PPP3CA: variants seen among roughly 807,000 people sequenced by gnomAD.
PPP3CA encodes the protein CAM-PRP catalytic subunit.
PPP3CA carries 14 observed loss-of-function variants against 66.5 expected under a neutral mutation model. The ratio of observed to expected loss-of-function variants is 0.21; its 90% CI spans 0.14 to 0.33. The LOEUF is 0.33. Among genes scored for constraint, PPP3CA ranks in the 10% least tolerant of loss-of-function variants. The pLI, the probability that PPP3CA is intolerant of heterozygous loss-of-function variation, is 1.00. For synonymous variants in PPP3CA, 232 were observed against 226.2 expected, an observed-to-expected ratio of 1.03 and a Z score of -0.23; for missense variants, 317 against 639.5, an observed-to-expected ratio of 0.50 and a Z score of 5.44.
At chr4:101,049,348 C>A (rs1466054870) in intron 10 of PPP3CA, among the ~76,000 whole-genome samples, 2 of 152,022 alleles carry the variant, frequency 1.3e-5, no homozygotes. Context: ...GAGGATATTG[C>A]TCCCCCTGCC....
intron 1 of PPP3CA, among the ~76,000 whole-genome samples, chr4:101,344,547 G>A (rs527661057): frequency 6.6e-6 from 1 of 152,226 alleles, no homozygotes; most frequent in African/African-American, 2.4e-5. Flanking sequence ...TTCCTATTTT[G>A]AGTCTACTAT....
At chr4:101,164,938 T>C (rs925875210) in intron 2 of PPP3CA, among the ~76,000 whole-genome samples, 1 of 152,102 alleles carries the variant, frequency 6.6e-6, no homozygotes, top group Non-Finnish European at 1.5e-5. Context: ...TATATACATA[T>C]ATAATTTTTA....
chr4:101,134,999 CA>C (rs1344858008), intron 2 of PPP3CA, among the ~76,000 whole-genome samples: 2 of 152,022 alleles, frequency 1.3e-5, no homozygotes, highest in East Asian at 3.9e-4. Flanking sequence ...TGTTCTCACT[CA>C]TAAGTGGGAA....
At chr4:101,302,075 T>C (rs1728396877) in intron 1 of PPP3CA, among the ~76,000 whole-genome samples, 1 of 152,180 alleles carries the variant, frequency 6.6e-6, no homozygotes, top group African/African-American at 2.4e-5. Flanking sequence ...AGAGATTATG[T>C]ATACTTTTAA....
At chr4:101,295,726 A>T (rs1728181868) in intron 1 of PPP3CA, among the ~76,000 whole-genome samples, 1 of 152,214 alleles carries the variant, frequency 6.6e-6, no homozygotes, top group African/African-American at 2.4e-5. Flanking sequence ...CAAACTTACA[A>T]ATAACTTTTT....
chr4:101,033,290 ACAAACACAC>A (rs1560571178), intron 11 of PPP3CA, among the ~76,000 whole-genome samples: 93 of 88,666 alleles, frequency 1.0e-3, no homozygotes, highest in Middle Eastern at 5.6e-3. Context: ...ACACACACAC[ACAAACACAC>A]ACACACACAC....
intron 2 of PPP3CA, among the ~76,000 whole-genome samples, chr4:101,170,499 G>T (rs1420566557): frequency 6.6e-6 from 1 of 151,654 alleles, no homozygotes; most frequent in Non-Finnish European, 1.5e-5. Context: ...TAAATAAATG[G>T]AATTTAACTA....
intron 10 of PPP3CA, among the ~76,000 whole-genome samples, chr4:101,051,219 A>T (rs895498892): frequency 1.3e-5 from 2 of 152,210 alleles, no homozygotes; most frequent in African/African-American, 2.4e-5. Flanking sequence ...GATTTCTAGA[A>T]GAATGAAAAT....
chr4:101,337,656 G>A lies in PPP3CA; in HGVS notation c.58+9083C>T, dbSNP rs370260797. Among the ~76,000 whole-genome samples, 305 of 152,260 alleles carry A rather than the reference G, an allele frequency of 2.0e-3. 2 individuals carry two copies. Among genetic ancestry groups the A allele is most frequent in the African/African-American group, 6.9e-3 (286 of 41,554 alleles). ...GTGTTAGTGAGACAAAGTATATCCC[G>A]GCCCATGTGAGAGACTGGAAATATT... On this transcript the variant is annotated intron_variant, in intron 1 of 13. Transcript: ENST00000394854.
At chr4:101,183,517 C>G (rs963123347) in intron 2 of PPP3CA, among the ~76,000 whole-genome samples, 2 of 152,100 alleles carry the variant, frequency 1.3e-5, no homozygotes, top group Non-Finnish European at 2.9e-5. Context: ...ATGATCAACT[C>G]AATCCTACAG....
chr4:101,070,465 T>C (rs1728869788), intron 8 of PPP3CA, among the ~76,000 whole-genome samples: 1 of 152,186 alleles, frequency 6.6e-6, no homozygotes, highest in South Asian at 2.1e-4. Flanking sequence ...GTGGAAAGGA[T>C]ACTAGTTCTG....
chr4:101,230,198 G>T (rs1725915894), intron 1 of PPP3CA, among the ~76,000 whole-genome samples: 1 of 151,494 alleles, frequency 6.6e-6, no homozygotes, highest in Non-Finnish European at 1.5e-5. Context: ...CATACGTCTA[G>T]AAATTTTTAA....
intron 1 of PPP3CA, among the ~76,000 whole-genome samples, chr4:101,344,780 C>T (rs1729926660): frequency 6.6e-6 from 1 of 152,122 alleles, no homozygotes; most frequent in South Asian, 2.1e-4. Flanking sequence ...ATTAAGAATC[C>T]ACATCCTATG....
intron 1 of PPP3CA, among the ~76,000 whole-genome samples, chr4:101,257,838 C>T (rs1289310494): frequency 1.3e-5 from 2 of 152,084 alleles, no homozygotes; most frequent in Non-Finnish European, 1.5e-5. Context: ...TCTCTATCAT[C>T]AATGTGGACA....
At position 101,344,919 on chromosome 4, in the gene PPP3CA, A is replaced by AGG. The variant is rs1729931440; in HGVS notation, c.58+1819_58+1820insCC. ...TTAACCTAGATTGGAGCTACATCTA[A>AGG]ACTTCACACATTAAGGAGATAATTG... On this transcript the variant is annotated intron_variant, in intron 1 of 13. Coordinates refer to ENST00000394854, the MANE Select transcript of PPP3CA (RefSeq NM_000944.5). 1.2e-4 allele frequency among the ~76,000 whole-genome samples: 19 copies of AGG among 152,346 alleles called. No homozygotes were observed. The South Asian group carries it at 3.9e-3, about 32-fold the overall frequency.
intron 5 of PPP3CA, among the ~76,000 whole-genome samples, chr4:101,096,606 A>G (rs1487420409): frequency 4.6e-5 from 7 of 152,192 alleles, no homozygotes; most frequent in Non-Finnish European, 1.0e-4. Context: ...ACACTTAGTA[A>G]GTTTCTCATC....
At position 101,319,416 on chromosome 4, in the gene PPP3CA, G is replaced by T. The variant is rs182204801; in HGVS notation, c.58+27323C>A. ...CTCACATTCTTAAGCATATGTTTAG[G>T]ATTCAATAATTTAAATAAATTTTTA... On this transcript the variant is annotated intron_variant, in intron 1 of 13. Transcript: ENST00000394854. Among the ~76,000 whole-genome samples, 287 of 152,064 alleles carry T rather than the reference G, an allele frequency of 1.9e-3. 1 individual carries two copies. The highest frequency in any genetic ancestry group is 0.017 in the Middle Eastern group (5 of 294).
At chr4:101,120,316 T>C (rs1721986691) in intron 2 of PPP3CA, among the ~76,000 whole-genome samples, 1 of 151,946 alleles carries the variant, frequency 6.6e-6, no homozygotes, top group African/African-American at 2.4e-5. Context: ...ACTGGGATAA[T>C]AACAAAAATA....
At chr4:101,111,062 AATAAT>A (rs374921905) in intron 2 of PPP3CA, among the ~76,000 whole-genome samples, 4 of 152,216 alleles carry the variant, frequency 2.6e-5, no homozygotes, top group African/African-American at 9.6e-5. Context: ...GCTAACAAGT[AATAAT>A]ATAATTACTC....
Sources: allele counts gnomAD v4.1 joint callset (sites outside exome capture counted in the v4.1 genomes callset), GRCh38; gene constraint gnomAD v4.1.1; transcripts MANE v1.5; gene names NCBI Gene and HGNC (gene_info 2026-07-23, HGNC 2026-07-21).